ATF2: variants seen among roughly 807,000 people sequenced by gnomAD.
ATF2 encodes the protein cyclic AMP-dependent transcription factor ATF-2.
Under a neutral mutation model 60.6 loss-of-function variants are expected in ATF2, and 24 were observed. The ratio of observed to expected loss-of-function variants is 0.40; its 90% CI spans 0.29 to 0.56. The LOEUF is 0.56. Ranked by LOEUF, ATF2 falls within the 20% of genes least tolerant of loss-of-function variation. The pLI, the probability that ATF2 is intolerant of heterozygous loss-of-function variation, is 0.54. For synonymous variants in ATF2, 206 were observed against 215.4 expected (o/e 0.96, Z 0.38); for missense variants, 433 against 607.7 (o/e 0.71, Z 3.02).
intron 10 of ATF2, 67 bp from the exon 11 acceptor site, chr2:175,097,660 CA>C: frequency 6.5e-7 from 1 of 1,539,898 alleles, no homozygotes; most frequent in Non-Finnish European, 8.9e-7. Context: ...ATCAACAAGA[CA>C]AACAATAGCA....
chr2:175,074,405 C>A lies in ATF2; in HGVS notation c.*204G>T. 2.3e-6 allele frequency: 1 copy of A among 428,896 alleles called. No individual in the cohort carries two copies. Among genetic ancestry groups the A allele is most frequent in the Non-Finnish European group, 4.0e-6 (1 of 251,088 alleles). The allele number at this position is 428,896 out of a possible 1,614,324, so 26.6% of individuals were successfully genotyped here. On this transcript the variant is annotated 3_prime_UTR_variant, in exon 14 of 14. Transcript: ENST00000264110. ...AATCTAATAATATTTATAAAAAAAG[C>A]AAAATCAGTCTTTTTCCAGAGACTA...
At chr2:175,105,320 C>A (rs560622170) in intron 10 of ATF2, among the ~76,000 whole-genome samples, 51 of 145,546 alleles carry the variant, frequency 3.5e-4, no homozygotes, top group East Asian at 1.0e-3. Flanking sequence ...GCCCCCCCCC[C>A]AAAAAAATAT....
At chr2:175,135,418 G>T (rs1169229786) in intron 3 of ATF2, among the ~76,000 whole-genome samples, 1 of 152,172 alleles carries the variant, frequency 6.6e-6, no homozygotes, top group Non-Finnish European at 1.5e-5. Context: ...ACCACCAGGA[G>T]GCAATCATCC....
At chr2:175,118,692 T>G (rs1295904765) in intron 5 of ATF2, among the ~76,000 whole-genome samples, 1 of 151,668 alleles carries the variant, frequency 6.6e-6, no homozygotes, top group Non-Finnish European at 1.5e-5. Context: ...TATAAAGAAT[T>G]TTTTAAATTT....
chr2:175,100,094 T>C (rs1297868241), intron 10 of ATF2, among the ~76,000 whole-genome samples: 1 of 152,230 alleles, frequency 6.6e-6, no homozygotes, highest in Non-Finnish European at 1.5e-5. Context: ...CAATGTACTA[T>C]GGTCTTATAA....
intron 13 of ATF2, among the ~76,000 whole-genome samples, chr2:175,077,568 T>G (rs900049518): frequency 1.3e-5 from 2 of 152,152 alleles, no homozygotes; most frequent in African/African-American, 4.8e-5. Context: ...ACACCAGCTT[T>G]TAAAAATAAA....
intron 1 of ATF2, among the ~76,000 whole-genome samples, chr2:175,166,292 G>T (rs929452741): frequency 6.6e-6 from 1 of 152,140 alleles, no homozygotes; most frequent in East Asian, 1.9e-4. Context: ...AAGATTAAAC[G>T]TCTTAGGAAG....
chr2:175,109,318 A>G (rs1696007560), intron 10 of ATF2, among the ~76,000 whole-genome samples: 2 of 152,118 alleles, frequency 1.3e-5, no homozygotes, highest in Admixed American at 1.3e-4. Flanking sequence ...CAGCAATAAA[A>G]AGAAGCAAAC....
intron 5 of ATF2, 77 bp from the exon 6 acceptor site, chr2:175,118,446 A>C: frequency 8.3e-7 from 1 of 1,199,556 alleles, no homozygotes; most frequent in Non-Finnish European, 1.2e-6. Context: ...AAGTTAACAA[A>C]TTAGCAGGAC....
chr2:175,160,261 T>C (rs1040963943), intron 1 of ATF2, among the ~76,000 whole-genome samples: 2 of 152,146 alleles, frequency 1.3e-5, no homozygotes, highest in Non-Finnish European at 2.9e-5. Flanking sequence ...AGCACATGCC[T>C]GTAGTCCCAG....
intron 3 of ATF2, chr2:175,132,589 G>A (rs577298837): frequency 6.6e-5 from 10 of 152,246 alleles, no homozygotes; most frequent in Admixed American, 6.5e-5. Flanking sequence ...AGGTATCTAA[G>A]TTCAGTGGCT....
At chr2:175,117,390 G>A (rs532909839) in intron 7 of ATF2, among the ~76,000 whole-genome samples, 89 of 152,058 alleles carry the variant, frequency 5.9e-4, no homozygotes, top group Non-Finnish European at 1.1e-3. Context: ...CTCTTTATGT[G>A]TCCCATTGCC....
chr2:175,102,310 CTCTAG>C (rs1432139556), intron 10 of ATF2, among the ~76,000 whole-genome samples: 6 of 152,138 alleles, frequency 3.9e-5, no homozygotes, highest in African/African-American at 1.4e-4. Flanking sequence ...CAAACTGGAG[CTCTAG>C]TCTAATGTTA....
chr2:175,152,008 A>G (rs1699343348), intron 1 of ATF2, among the ~76,000 whole-genome samples: 1 of 152,208 alleles, frequency 6.6e-6, no homozygotes, highest in Non-Finnish European at 1.5e-5. Flanking sequence ...GAACTTAATC[A>G]TATGACCATA....
chr2:175,077,587 T>G (rs1003954753), intron 13 of ATF2, among the ~76,000 whole-genome samples: 6 of 152,200 alleles, frequency 3.9e-5, no homozygotes, highest in Non-Finnish European at 8.8e-5. Context: ...AAGAGGCTGA[T>G]CTGTGATGAG....
intron 12 of ATF2, among the ~76,000 whole-genome samples, chr2:175,084,641 TAAAA>T (rs111833261): frequency 1.1e-5 from 1 of 91,778 alleles, no homozygotes; most frequent in Non-Finnish European, 2.5e-5. Flanking sequence ...ACTTAAAGTA[TAAAA>T]AAAAAAAAAA....
At chr2:175,141,388 T>C (rs1698525860) in intron 2 of ATF2, among the ~76,000 whole-genome samples, 1 of 152,106 alleles carries the variant, frequency 6.6e-6, no homozygotes, top group South Asian at 2.1e-4. Context: ...CCCGGCACTT[T>C]ATCCAAATTA....
chr2:175,114,441 T>A, intron 8 of ATF2: 1 of 1,244,730 alleles, frequency 8.0e-7, no homozygotes, highest in Non-Finnish European at 1.0e-6. Flanking sequence ...ATATTTTGTG[T>A]GAAATAGCAT....
intron 1 of ATF2, among the ~76,000 whole-genome samples, chr2:175,165,605 T>TC: frequency 6.6e-6 from 1 of 152,358 alleles, no homozygotes; most frequent in Non-Finnish European, 1.5e-5. Context: ...CATAGAGCTT[T>TC]CAGATCCTGA....
Sources: allele counts gnomAD v4.1 joint callset (sites outside exome capture counted in the v4.1 genomes callset), GRCh38; gene constraint gnomAD v4.1.1; transcripts MANE v1.5; gene names NCBI Gene and HGNC (gene_info 2026-07-23, HGNC 2026-07-21).